TPP2: variants seen among roughly 807,000 people sequenced by gnomAD.
TPP2 encodes the protein tripeptidyl-peptidase 2.
Under a neutral mutation model 155.9 loss-of-function variants are expected in TPP2, and 34 were observed. The ratio of observed to expected loss-of-function variants is 0.22; its 90% CI spans 0.17 to 0.29. The LOEUF (loss-of-function observed/expected upper bound fraction) is 0.29, where lower values mean the gene tolerates loss of function less well. TPP2 is among the 10% of genes least tolerant of loss of function. TPP2 has a pLI of 1.00. For missense variants in TPP2, 1,028 were observed against 1,522.3 expected, an observed-to-expected ratio of 0.68 and a Z score of 5.40; for synonymous variants, 510 against 529.4, an observed-to-expected ratio of 0.96 and a Z score of 0.50.
At position 102,657,534 on chromosome 13, in the gene TPP2, T is replaced by TC. The variant is rs1382050003; in HGVS notation, c.3143+329dup. Reference sequence around the variant, plus strand: ...CATTGTCCTCTTATTATTATTTTTTTCCTCTGTGTTTGTACATGTAGCAGT... The same window carrying TC: ...CATTGTCCTCTTATTATTATTTTTTTCCCTCTGTGTTTGTACATGTAGCAGT... On this transcript the variant is annotated intron_variant, in intron 25 of 29. Transcript: ENST00000376052. 1.1e-4 allele frequency among the ~76,000 whole-genome samples: 17 copies of TC among 152,212 alleles called. No homozygotes were observed. The South Asian group carries it at 3.5e-3, about 32-fold the overall frequency.
chr13:102,649,138 T>C lies in TPP2; in HGVS notation c.2860T>C (p.Leu954=). 2 of 1,606,840 alleles carry C rather than the reference T, an allele frequency of 1.2e-6. No individual in the cohort carries two copies. Among genetic ancestry groups the C allele is most frequent in the Non-Finnish European group, 8.5e-7 (1 of 1,176,860 alleles). The change falls in exon 22 of 30, where the codon TTA becomes CTA. Residue 954 remains leucine (L), a synonymous_variant. Transcript: ENST00000376052. ...TAACCAGCCATTCTTTGTTACTTCC[T>C]TACCTGATGATAAGTAAGTGATAAC... ...KYNQPFFVTS[L]PDDKIPKGAG...
At position 102,647,307 on chromosome 13, in the gene TPP2, A is replaced by G. The variant is rs770781368; in HGVS notation, c.2591A>G (p.Lys864Arg). The G allele has an allele frequency of 1.4e-4, 232 of 1,613,858 alleles. No individual in the cohort carries two copies. Among genetic ancestry groups the G allele is most frequent in the Non-Finnish European group, 1.5e-4 (178 of 1,179,964 alleles). ...CTGTGGATTATTTTTGACCAGAACA[A>G]AAGACAGATGGGTTCAGGCGATGCC... is the stretch of plus-strand genomic sequence containing the variant. Reference protein sequence around the residue: ...SQLWIIFDQNKRQMGSGDAYP... With the variant: ...SQLWIIFDQNRRQMGSGDAYP... The change falls in exon 21 of 30, where the codon AAA becomes AGA. Residue 864 changes from lysine to arginine, a missense_variant. Coordinates refer to ENST00000376052, the MANE Select transcript of TPP2 (RefSeq NM_001330588.2).
chr13:102,656,827 T>G (rs1883888985), intron 24 of TPP2, among the ~76,000 whole-genome samples: 1 of 152,214 alleles, frequency 6.6e-6, no homozygotes, highest in African/African-American at 2.4e-5. Flanking sequence ...TTCTTATCTC[T>G]TTTATTTTAA....
intron 11 of TPP2, 128 bp downstream of exon 11, chr13:102,634,226 A>G (rs774354021): frequency 3.2e-6 from 4 of 1,241,410 alleles, no homozygotes; most frequent in Non-Finnish European, 3.4e-6. Context: ...AAGGTAACGA[A>G]TAACTTATGT....
rs762169717 is a variant in TPP2, at chr13:102,597,078, G to T, written c.40G>T (p.Gly14Cys). 1.2e-6 allele frequency: 2 copies of T among 1,611,896 alleles called. No homozygotes were observed. The highest frequency in any genetic ancestry group is 1.1e-5 in the South Asian group (1 of 90,982). Residue 14 changes from glycine (G) to cysteine (C), a missense_variant, in exon 1 of 30, where the codon GGT (glycine) becomes TGT (cysteine). By Grantham distance (159) the Gly-to-Cys change is radical (BLOSUM62 -3). Around this residue, in one of 7 missense-constraint regions of TPP2, gnomAD observed 300 missense variants for 398.3 expected, o/e 0.75. Transcript: ENST00000376052. ...GACTGAGGAGCCCTTCCCTTTTCAC[G>T]GTCTCCTGCCGAAGAAGGAGACCGG... The part of the protein sequence containing the change: ...AATEEPFPFH[G>C]LLPKKETGAA...
intron 19 of TPP2, among the ~76,000 whole-genome samples, 155 bp downstream of exon 19, chr13:102,645,164 T>C (rs1171919174): frequency 6.6e-6 from 1 of 152,050 alleles, no homozygotes; most frequent in Non-Finnish European, 1.5e-5. Context: ...GCAGCCCCAG[T>C]ATCAGCTTCT....
chr13:102,666,023 T>C (rs529358932), intron 27 of TPP2, among the ~76,000 whole-genome samples: 1 of 152,348 alleles, frequency 6.6e-6, no homozygotes, highest in East Asian at 1.9e-4. Context: ...TGCCATTTTG[T>C]TGTTGTTGTT....
chr13:102,631,592 T>C (rs1882023672), intron 10 of TPP2: 1 of 152,238 alleles, frequency 6.6e-6, no homozygotes, highest in African/African-American at 2.4e-5. Context: ...TATTAGAGAA[T>C]GTTTAAACCA....
chr13:102,597,915 C>T (rs986754110), intron 1 of TPP2, among the ~76,000 whole-genome samples: 2 of 151,368 alleles, frequency 1.3e-5, no homozygotes, highest in African/African-American at 4.8e-5. Flanking sequence ...TCTTCGTTTA[C>T]ATAAGGAGAA....
At chr13:102,629,705 A>G (rs1881886626) in intron 9 of TPP2, 96 bp downstream of exon 9, 1 of 1,433,732 alleles carries the variant, frequency 7.0e-7, no homozygotes, top group Non-Finnish European at 9.1e-7. Flanking sequence ...TACACGTAAG[A>G]CACTGTACAC....
chr13:102,670,134 C>T (rs889911502), intron 27 of TPP2, among the ~76,000 whole-genome samples: 5 of 149,656 alleles, frequency 3.3e-5, no homozygotes, highest in African/African-American at 7.4e-5. Context: ...TTACCAGAGC[C>T]GTCAATAAAA....
Position 102,679,334 on chromosome 13 carries a change from T to G in TPP2, c.*1018T>G, listed in dbSNP as rs1381229322. On this transcript the variant is annotated 3_prime_UTR_variant, in exon 30 of 30. Transcript: ENST00000376052. ...ATTTCCAGTTCTTGTATGATTAACT[T>G]TTGTGCATATCTAACTTTTTATTAT... is the stretch of plus-strand genomic sequence containing the variant. The G allele has an allele frequency of 6.6e-6, 1 of 152,244 alleles. No homozygotes were observed. The highest frequency in any genetic ancestry group is 1.5e-5 in the Non-Finnish European group (1 of 68,038). The allele number at this position is 152,244 out of a possible 1,614,324, so 9.4% of individuals were successfully genotyped here. A position where few individuals can be genotyped will look rare whatever the true frequency, so the allele number is the denominator to read the frequency against.
intron 1 of TPP2, among the ~76,000 whole-genome samples, chr13:102,603,015 C>T (rs1291332911): frequency 1.3e-5 from 2 of 151,904 alleles, no homozygotes; most frequent in Admixed American, 1.3e-4. Context: ...AACAAATTCC[C>T]TTTGGAAAGC....
chr13:102,661,503 A>T (rs774884179), intron 25 of TPP2, among the ~76,000 whole-genome samples: 2 of 151,976 alleles, frequency 1.3e-5, no homozygotes, highest in African/African-American at 4.8e-5. Flanking sequence ...TCAGCTTCCC[A>T]TAGTGTTGGG....
intron 27 of TPP2, among the ~76,000 whole-genome samples, chr13:102,665,179 A>G (rs1884509078): frequency 2.0e-5 from 3 of 152,182 alleles, no homozygotes; most frequent in African/African-American, 7.2e-5. Context: ...GGATTTGAAT[A>G]TCTGTGATCA....
At chr13:102,627,589 C>T (rs935702039) in intron 7 of TPP2, among the ~76,000 whole-genome samples, 6 of 151,078 alleles carry the variant, frequency 4.0e-5, no homozygotes, top group African/African-American at 1.2e-4. Context: ...CTACCTCTGT[C>T]CCCCTCTAAC....
intron 5 of TPP2, among the ~76,000 whole-genome samples, chr13:102,619,685 T>A (rs1356609188): frequency 6.6e-6 from 1 of 150,996 alleles, no homozygotes; most frequent in East Asian, 1.9e-4. Flanking sequence ...CAATGTTAAG[T>A]TGAATGAGAA....
chr13:102,604,480 A>G (rs1879666128), intron 1 of TPP2, among the ~76,000 whole-genome samples: 1 of 152,200 alleles, frequency 6.6e-6, no homozygotes, highest in South Asian at 2.1e-4. Flanking sequence ...TTCTCGCTAT[A>G]AGATCGTCAG....
At chr13:102,606,539 C>G (rs943493) in intron 2 of TPP2, among the ~76,000 whole-genome samples, 22,385 of 152,194 alleles carry the variant, frequency 0.15, 1,985 homozygotes, top group African/African-American at 0.25. Context: ...TAGCTTGCTT[C>G]TTCAAGGCCA....
Sources: gnomAD v4.1 joint callset for allele counts (sites outside exome capture counted in the v4.1 genomes callset) on GRCh38, gnomAD v4.1.1 for gene constraint, gnomAD v4.1.1 regional missense constraint, MANE v1.5 for transcripts, NCBI Gene and HGNC (gene_info 2026-07-23, HGNC 2026-07-21) for gene names.